Variants in PPA1 observed in about 807,000 individuals in gnomAD.
PPA1 encodes the protein inorganic pyrophosphatase.
A neutral mutation model predicts 41.8 loss-of-function variants in PPA1; 23 were observed. The observed-to-expected ratio is 0.55, with a 90% CI of 0.40 to 0.78. The LOEUF is 0.78. Among genes scored for constraint, PPA1 ranks in the 30% least tolerant of loss-of-function variants. The probability of loss-of-function intolerance (pLI) is 0.00; values close to 1 mark genes in which losing one functional copy is unlikely to be tolerated. For missense variants in PPA1, 320 were observed against 361.6 expected, an observed-to-expected ratio of 0.89 and a Z score of 0.93; for synonymous variants, 101 against 116.8, an observed-to-expected ratio of 0.86 and a Z score of 0.87.
intron 2 of PPA1, among the ~76,000 whole-genome samples, chr10:70,229,653 A>T (rs1019104896): frequency 2.0e-5 from 3 of 152,234 alleles, no homozygotes; most frequent in African/African-American, 7.2e-5. Context: ...TCATTGAATA[A>T]TCTAGTTTAC....
rs1035787872 is a variant in PPA1 at position 70,233,361 on chromosome 10, AG to A, written c.-35del. Reference sequence around the variant, plus strand: ...AGTCCTGCCGCCGCCGCTGCCACAGAGCCACCAGCCCGCACGCGGCGCCGAC... The same window carrying A: ...AGTCCTGCCGCCGCCGCTGCCACAGACCACCAGCCCGCACGCGGCGCCGAC... On this transcript the variant is annotated 5_prime_UTR_variant, in exon 1 of 11. Coordinates refer to ENST00000373232, the MANE Select transcript of PPA1 (RefSeq NM_021129.4). 1.2e-5 allele frequency: 19 copies of A among 1,530,110 alleles called. No homozygotes were observed. The highest frequency in any genetic ancestry group is 1.0e-4 in the Admixed American group (5 of 49,880). The allele number at this position is 1,530,110 out of a possible 1,614,324, so 94.8% of individuals were successfully genotyped here.
At chr10:70,205,034 T>G in intron 9 of PPA1, 119 bp from the exon 10 acceptor site, 1 of 682,472 alleles carries the variant, frequency 1.5e-6, no homozygotes, top group Non-Finnish European at 2.5e-6. Context: ...GATCTAAACG[T>G]AATTTATAAT....
In PPA1 at chr10:70,217,820, T is replaced by TG. The variant is rs1840095922; in HGVS notation, c.288dup (p.Ile97HisfsTer12). On this transcript the variant is annotated frameshift_variant, in exon 4 of 11. Transcript: ENST00000373232. LOFTEE classifies it high-confidence loss of function. ...GTTGCATGAAGACATACCTGAGGGA[T>TG]GGCACCATAGTTCCAGATATATCCT... 6.4e-7 allele frequency: 1 copy of TG among 1,572,552 alleles called. No individual in the cohort carries two copies. The highest frequency in any genetic ancestry group is 1.8e-5 in the Admixed American group (1 of 54,648).
chr10:70,232,197 A>C (rs1840295850), intron 1 of PPA1, among the ~76,000 whole-genome samples: 1 of 152,056 alleles, frequency 6.6e-6, no homozygotes, highest in African/African-American at 2.4e-5. Context: ...TTGTTCCTTC[A>C]ATGCCTATTC....
intron 8 of PPA1, 74 bp from the exon 9 acceptor site, chr10:70,206,407 A>C: frequency 9.0e-7 from 1 of 1,108,378 alleles, no homozygotes; most frequent in Non-Finnish European, 1.4e-6. Flanking sequence ...AAATGAGTTG[A>C]AAGTGGTTGA....
At chr10:70,230,918 G>C (rs776114203) in intron 1 of PPA1, among the ~76,000 whole-genome samples, 10 of 152,194 alleles carry the variant, frequency 6.6e-5, no homozygotes, top group Admixed American at 1.3e-4. Context: ...AATCTCTATA[G>C]TGAGAGCAGA....
At chr10:70,209,383 G>T in intron 7 of PPA1, 93 bp from the exon 8 acceptor site, 2 of 1,301,116 alleles carry the variant, frequency 1.5e-6, no homozygotes, top group Non-Finnish European at 2.1e-6. Context: ...TGTCTCTTCT[G>T]AATCATTTCC....
chr10:70,212,480 G>C (rs1301493758), intron 6 of PPA1, among the ~76,000 whole-genome samples: 4 of 152,086 alleles, frequency 2.6e-5, no homozygotes, highest in Non-Finnish European at 5.9e-5. Flanking sequence ...CCACACAATG[G>C]AATAATATTC....
At chr10:70,204,475 A>C (rs931039535) in intron 10 of PPA1, 125 of 160,594 alleles carry the variant, frequency 7.8e-4, no homozygotes, top group Non-Finnish European at 4.1e-5. Context: ...AATATAAAAA[A>C]GGTAAATTCA....
At chr10:70,224,859 T>G (rs895004249) in intron 2 of PPA1, among the ~76,000 whole-genome samples, 5 of 150,788 alleles carry the variant, frequency 3.3e-5, no homozygotes, top group Non-Finnish European at 7.4e-5. Context: ...GCCTCCCGAG[T>G]AGCTGGGATT....
At position 70,233,387 on chromosome 10, in the gene PPA1, C is replaced by T. The variant is rs1840315518; in HGVS notation, c.-60G>A. The stretch of plus-strand genomic sequence containing the variant: ...GCCACCAGCCCGCACGCGGCGCCGA[C>T]TGACAAGGAGAGAGCCCCACGCCTG... On this transcript the variant is annotated 5_prime_UTR_variant, in exon 1 of 11. Transcript: ENST00000373232. 1.3e-6 allele frequency: 2 copies of T among 1,523,900 alleles called. No homozygotes were observed. The highest frequency in any genetic ancestry group is 8.8e-7 in the Non-Finnish European group (1 of 1,140,000). The allele number at this position is 1,523,900 out of a possible 1,614,324, so 94.4% of individuals were successfully genotyped here.
chr10:70,220,544 T>C (rs1840128555), intron 2 of PPA1, among the ~76,000 whole-genome samples: 1 of 13,936 alleles, frequency 7.2e-5, no homozygotes, highest in East Asian at 0.083. Flanking sequence ...ATAATTTTTA[T>C]GTATAATATA....
chr10:70,209,583 G>A lies in PPA1; in HGVS notation c.614C>T (p.Ala205Val), dbSNP rs1839991231. The A allele has an allele frequency of 6.2e-7, 1 of 1,604,340 alleles. No homozygotes were observed. The highest frequency in any genetic ancestry group is 8.5e-7 in the Non-Finnish European group (1 of 1,177,742). The change falls in exon 7 of 11, where the codon GCG (alanine) becomes GTG (valine). Residue 205 changes from alanine (A) to valine (V), a missense_variant. Physicochemically the swap from Ala to Val is moderately conservative, Grantham distance 64. Transcript: ENST00000373232. ...VPDGKPENEF[A>V]FNAEFKDKDF... Reference sequence around the variant, plus strand: ...CTTATCTTTAAATTCTGCATTAAACGCAAACTCATTTTCTGGTTTTCCATC... The same window carrying A: ...CTTATCTTTAAATTCTGCATTAAACACAAACTCATTTTCTGGTTTTCCATC...
chr10:70,207,522 A>G (rs1482535046), intron 8 of PPA1, among the ~76,000 whole-genome samples: 1 of 152,154 alleles, frequency 6.6e-6, no homozygotes, highest in Non-Finnish European at 1.5e-5. Flanking sequence ...TTTAAAAATC[A>G]TCTGGGAGTG....
At chr10:70,232,498 C>T (rs917482558) in intron 1 of PPA1, among the ~76,000 whole-genome samples, 1 of 152,222 alleles carries the variant, frequency 6.6e-6, no homozygotes, top group Non-Finnish European at 1.5e-5. Context: ...TCCCGGTTTC[C>T]CCGTGCAGCC....
intron 1 of PPA1, among the ~76,000 whole-genome samples, chr10:70,231,953 G>A (rs1479915411): frequency 1.3e-5 from 2 of 152,210 alleles, no homozygotes; most frequent in Non-Finnish European, 2.9e-5. Context: ...AGTCACCTCT[G>A]TAAGCCTTTC....
intron 10 of PPA1, 37 bp downstream of exon 10, chr10:70,204,836 A>G (rs1275252115): frequency 1.3e-6 from 2 of 1,503,422 alleles, no homozygotes; most frequent in Middle Eastern, 2.0e-4. Flanking sequence ...ATAACTGTGT[A>G]ATGTTTAATG....
intron 1 of PPA1, 96 bp from the exon 2 acceptor site, chr10:70,230,495 T>C: frequency 8.1e-7 from 1 of 1,234,554 alleles, no homozygotes; most frequent in Non-Finnish European, 1.1e-6. Flanking sequence ...GGTCCCTTAC[T>C]CTGTCACCCA....
intron 2 of PPA1, among the ~76,000 whole-genome samples, chr10:70,228,418 A>G (rs1840256040): frequency 6.6e-6 from 1 of 152,202 alleles, no homozygotes; most frequent in Non-Finnish European, 1.5e-5. Context: ...TCCTACCTGT[A>G]GCATACCTGT....
Sources: gnomAD v4.1 joint callset for allele counts (sites outside exome capture counted in the v4.1 genomes callset) on GRCh38, gnomAD v4.1.1 for gene constraint, MANE v1.5 for transcripts, NCBI Gene and HGNC (gene_info 2026-07-23, HGNC 2026-07-21) for gene names.